MLEC: variants seen among roughly 807,000 people sequenced by gnomAD.
The protein encoded by MLEC is oligosaccharyltransferase complex subunit (non-catalytic).
MLEC carries 7 observed loss-of-function variants against 28.7 expected under a neutral mutation model. The ratio of observed to expected loss-of-function variants is 0.24; its 90% confidence interval spans 0.14 to 0.46. The LOEUF (loss-of-function observed/expected upper bound fraction) is 0.46. Ranked by LOEUF, MLEC falls within the 20% of genes least tolerant of loss-of-function variation. The pLI, the probability that MLEC is intolerant of heterozygous loss-of-function variation, is 0.99. For missense variants in MLEC, 237 were observed against 391.1 expected (o/e 0.61, Z 3.32); for synonymous variants, 142 against 164.4 (o/e 0.86, Z 1.04).
At chr12:120,693,006 C>T (rs137992210) in intron 1 of MLEC, among the ~76,000 whole-genome samples, 1 of 151,974 alleles carries the variant, frequency 6.6e-6, no homozygotes, top group South Asian at 2.1e-4. Flanking sequence ...GGATCACCTG[C>T]GGTCAGGAGT....
chr12:120,692,872 G>A (rs1882091525), intron 1 of MLEC, among the ~76,000 whole-genome samples: 1 of 152,062 alleles, frequency 6.6e-6, no homozygotes, highest in South Asian at 2.1e-4. Context: ...GCTACTCTCT[G>A]GAGGAAGCAG....
intron 1 of MLEC, among the ~76,000 whole-genome samples, chr12:120,692,082 C>T (rs1201793836): frequency 6.6e-6 from 1 of 152,106 alleles, no homozygotes; most frequent in Non-Finnish European, 1.5e-5. Flanking sequence ...ATCGCTTGAC[C>T]CTGGGAGGTG....
chr12:120,689,475 C>G (rs1881954437), intron 1 of MLEC, among the ~76,000 whole-genome samples: 1 of 152,178 alleles, frequency 6.6e-6, no homozygotes, highest in African/African-American at 2.4e-5. Context: ...AGTATTAAGG[C>G]ATGGATGGGG....
chr12:120,687,361 T>TGCC lies in MLEC; in HGVS notation c.70_72dup (p.Pro24dup). 1.5e-6 allele frequency: 2 copies of TGCC among 1,376,758 alleles called. No homozygotes were observed. Among genetic ancestry groups the TGCC allele is most frequent in the Non-Finnish European group, 1.9e-6 (2 of 1,065,778 alleles). 85.3% of individuals were successfully genotyped at this position (1,376,758 alleles called of 1,614,324 possible). On this transcript the variant is annotated inframe_insertion, in exon 1 of 5. Coordinates refer to ENST00000228506, the MANE Select transcript of MLEC (RefSeq NM_014730.4). The surrounding 1 kb of genome is among the most constrained non-coding windows in gnomAD (Gnocchi z 8.1). ...CTCCTGCGACTGCTGCTGCTGCTGCTGCCGCCGGCGATCCGGGGACCCGGG... is the reference window on the plus strand; with the variant it reads ...CTCCTGCGACTGCTGCTGCTGCTGCTGCCGCCGCCGGCGATCCGGGGACCCGGG...
At chr12:120,690,712 C>T (rs1005408307) in intron 1 of MLEC, among the ~76,000 whole-genome samples, 1 of 152,144 alleles carries the variant, frequency 6.6e-6, no homozygotes. Flanking sequence ...TTAAGGAATA[C>T]CCTTTCCTGG....
At position 120,697,697 on chromosome 12, in the gene MLEC, G is replaced by C. The variant is rs1882292534; in HGVS notation, c.*1152G>C. 6.6e-6 allele frequency: 1 copy of C among 152,658 alleles called. No homozygotes were observed. The highest frequency in any genetic ancestry group is 1.5e-5 in the Non-Finnish European group (1 of 68,064). 9.5% of individuals were successfully genotyped at this position (152,658 alleles called of 1,614,324 possible). On this transcript the variant is annotated 3_prime_UTR_variant, in exon 5 of 5. Transcript: ENST00000228506. The surrounding 1 kb of genome is among the most constrained non-coding windows in gnomAD (Gnocchi z 4.8). ...CTACTAAGTGACTGACCACTGTTTA[G>C]AGTGTCTGGTATCTGATGTTCATTT...
chr12:120,687,220 T>G lies in MLEC; in HGVS notation c.-77T>G, dbSNP rs1053987124. On this transcript the variant is annotated 5_prime_UTR_variant, in exon 1 of 5. Coordinates refer to ENST00000228506, the MANE Select transcript of MLEC (RefSeq NM_014730.4). The surrounding 1 kb of genome is among the most constrained non-coding windows in gnomAD (Gnocchi z 8.1). ...CAGGCGGAGCGGCCCGTGGCGCTGT[T>G]TTTCTGAGTCCGGGGTGGCCTGGCA... The G allele has an allele frequency of 1.8e-5, 24 of 1,311,302 alleles. No homozygotes were observed. Among genetic ancestry groups the G allele is most frequent in the Non-Finnish European group, 2.2e-5 (23 of 1,033,520 alleles). The allele number at this position is 1,311,302 out of a possible 1,614,324, so 81.2% of individuals were successfully genotyped here.
At position 120,692,148 on chromosome 12, in the gene MLEC, G is replaced by A. The variant is rs534213950; in HGVS notation, c.236-1943G>A. On this transcript the variant is annotated intron_variant, in intron 1 of 4. Transcript: ENST00000228506. ...GCACTCCAGCTTGGGCAACAAGAGC[G>A]AAACTCCGTCTCCAAAAAACAAAAA... is the stretch of plus-strand genomic sequence containing the variant. 1.2e-4 allele frequency among the ~76,000 whole-genome samples: 18 copies of A among 152,162 alleles called. No homozygotes were observed. In the South Asian group the frequency reaches 3.3e-3, roughly 28 times the overall value.
chr12:120,689,563 C>T (rs1447910168), intron 1 of MLEC, among the ~76,000 whole-genome samples: 1 of 152,186 alleles, frequency 6.6e-6, no homozygotes, highest in Non-Finnish European at 1.5e-5. Context: ...CTGAGAAAGG[C>T]ATTTTGCTGG....
intron 1 of MLEC, among the ~76,000 whole-genome samples, chr12:120,690,727 C>T (rs1180717466): frequency 6.6e-6 from 1 of 152,156 alleles, no homozygotes; most frequent in Non-Finnish European, 1.5e-5. Flanking sequence ...TCCTGGGCTG[C>T]CTTCCTTTCA....
rs777689253 is a variant in MLEC, at chr12:120,687,431, C to T, written c.135C>T (p.Pro45=). ...GVAGAAGAGL[P]ESVIWAVNAG... is the part of the protein sequence containing the mutation. ...CCGGCGCGGCGGGGGCCGGGCTGCC[C>T]GAGAGCGTCATTTGGGCGGTCAACG... is the stretch of plus-strand genomic sequence containing the variant. The change falls in exon 1 of 5, where the codon CCC becomes CCT. Residue 45 remains proline (P), a synonymous_variant. Transcript: ENST00000228506. The surrounding 1 kb of genome is among the most constrained non-coding windows in gnomAD (Gnocchi z 8.1). 18 of 1,404,248 alleles carry T rather than the reference C, an allele frequency of 1.3e-5. No individual in the cohort carries two copies. Among genetic ancestry groups the T allele is most frequent in the Middle Eastern group, 2.1e-4 (1 of 4,846 alleles). 87.0% of individuals were successfully genotyped at this position (1,404,248 alleles called of 1,614,324 possible).
At position 120,695,127 on chromosome 12, in the gene MLEC, C is replaced by G; in HGVS notation, c.624C>G (p.Leu208=). 6.2e-7 allele frequency: 1 copy of G among 1,614,190 alleles called. No individual in the cohort carries two copies. The highest frequency in any genetic ancestry group is 8.5e-7 in the Non-Finnish European group (1 of 1,180,042). Residue 208 remains leucine, a synonymous_variant, in exon 4 of 5, where the codon CTC becomes CTG. Coordinates refer to ENST00000228506, the MANE Select transcript of MLEC (RefSeq NM_014730.4). ...ATGACAATCCCAAGGTCTGTGCACT[C>G]TACATCATGGCTGGGACAGTGGATG... ...GYYDNPKVCA[L]YIMAGTVDDV...
chr12:120,690,538 T>TA (rs1166178739), intron 1 of MLEC, among the ~76,000 whole-genome samples: 5 of 152,244 alleles, frequency 3.3e-5, no homozygotes, highest in Admixed American at 3.3e-4. Context: ...AAATTTCTGA[T>TA]AAGACTGTAA....
chr12:120,687,527 C>T lies in MLEC; in HGVS notation c.231C>T (p.Gly77=). The change falls in exon 1 of 5, where the codon GGC becomes GGT. Residue 77 remains glycine (G), a synonymous_variant. Coordinates refer to ENST00000228506, the MANE Select transcript of MLEC (RefSeq NM_014730.4). The surrounding 1 kb of genome is among the most constrained non-coding windows in gnomAD (Gnocchi z 8.1). The part of the protein sequence containing the change: ...FRKDPLEGRV[G]RASDYGMKLP... ...AGGACCCTTTGGAAGGCCGGGTGGG[C>T]CGAGGTGAGAGTCCCCCTGCCGAGC... is the stretch of plus-strand genomic sequence containing the variant. 6.7e-7 allele frequency: 1 copy of T among 1,492,956 alleles called. No homozygotes were observed. Among genetic ancestry groups the T allele is most frequent in the Non-Finnish European group, 8.9e-7 (1 of 1,122,264 alleles). 92.5% of individuals were successfully genotyped at this position (1,492,956 alleles called of 1,614,324 possible). A position where few individuals can be genotyped will look rare whatever the true frequency, so the allele number is the denominator to read the frequency against.
At position 120,695,092 on chromosome 12, in the gene MLEC, T is replaced by C. The variant is rs781751028; in HGVS notation, c.592-3T>C. On this transcript the variant is annotated splice_region_variant and splice_polypyrimidine_tract_variant and intron_variant, in intron 3 of 4. Transcript: ENST00000228506. ...GGGTTGACCACTGTTTCCCTTTTCC[T>C]AGGGGTACTATGACAATCCCAAGGT... 2 of 1,614,078 alleles carry C rather than the reference T, an allele frequency of 1.2e-6. No homozygotes were observed. Among genetic ancestry groups the C allele is most frequent in the Admixed American group, 1.7e-5 (1 of 60,000 alleles).
intron 4 of MLEC, among the ~76,000 whole-genome samples, 154 bp downstream of exon 4, chr12:120,695,306 T>C (rs1254216888): frequency 6.6e-6 from 1 of 152,234 alleles, no homozygotes; most frequent in Non-Finnish European, 1.5e-5. Context: ...AAGCATAACA[T>C]GGTACTAGCC....
chr12:120,692,617 T>C (rs1161322043), intron 1 of MLEC, among the ~76,000 whole-genome samples: 1 of 151,336 alleles, frequency 6.6e-6, no homozygotes, highest in Admixed American at 6.6e-5. Flanking sequence ...CTTTTACCTT[T>C]TGCCATGTCT....
rs966921124 is a variant in MLEC, at chr12:120,694,736, C to G, written c.415-88C>G. The G allele has an allele frequency of 1.1e-5, 14 of 1,312,048 alleles. No individual in the cohort carries two copies. In the African/African-American group the frequency reaches 1.9e-4, roughly 18 times the overall value. The allele number at this position is 1,312,048 out of a possible 1,614,324, so 81.3% of individuals were successfully genotyped here. On this transcript the variant is annotated intron_variant, in intron 2 of 4. Coordinates refer to ENST00000228506, the MANE Select transcript of MLEC (RefSeq NM_014730.4). This position sits in a 1 kb window ranked among gnomAD's most constrained non-coding sequence, Gnocchi z 4.5. ...CATTTCTTAAATTATTTTTGAACTT[C>G]AAGCCCAAACACGTGCATGATGTCC... is the stretch of plus-strand genomic sequence containing the variant.
At chr12:120,695,711 G>A (rs1346682465) in intron 4 of MLEC, among the ~76,000 whole-genome samples, 2 of 152,204 alleles carry the variant, frequency 1.3e-5, no homozygotes, top group Admixed American at 1.3e-4. Flanking sequence ...AGAGAAAGCT[G>A]CGTCTTTGTG....
Sources: allele counts gnomAD v4.1 joint callset (sites outside exome capture counted in the v4.1 genomes callset), GRCh38; gene constraint gnomAD v4.1.1; non-coding constraint Gnocchi (gnomAD v3.1); transcripts MANE v1.5; gene names NCBI Gene and HGNC (gene_info 2026-07-23, HGNC 2026-07-21).